ZNF578: variants seen among roughly 807,000 people sequenced by gnomAD.
ZNF578 encodes the protein zinc finger protein 578, also known as Putative chemokine-related protein B42.
In ZNF578, 8 loss-of-function variants were observed where a neutral mutation model predicts 8.3. That is an observed-to-expected ratio of 0.96 (90% CI 0.56 to 1.74). The LOEUF (loss-of-function observed/expected upper bound fraction) is 1.74, where lower values mean the gene tolerates loss of function less well. ZNF578 is among the 40% of genes most tolerant of loss of function. ZNF578 has a pLI of 0.00. For synonymous variants in ZNF578, 206 were observed against 232.2 expected, an observed-to-expected ratio of 0.89 and a Z score of 1.03; for missense variants, 726 against 707.5, an observed-to-expected ratio of 1.03 and a Z score of -0.30.
chr19:52,480,468 G>C (rs1462918333), intron 2 of ZNF578, among the ~76,000 whole-genome samples: 1 of 152,048 alleles, frequency 6.6e-6, no homozygotes, highest in African/African-American at 2.4e-5. Context: ...CCTTCTTCCA[G>C]CTGTAAAGGA....
chr19:52,483,708 A>T (rs1027192270), intron 2 of ZNF578, among the ~76,000 whole-genome samples: 2 of 152,252 alleles, frequency 1.3e-5, no homozygotes, highest in African/African-American at 4.8e-5. Flanking sequence ...TAACTAGGTA[A>T]CTAAGGGCAA....
rs1052861 is a variant in ZNF578, at chr19:52,516,808, T to C, written c.*4654T>C. Reference sequence around the variant, plus strand: ...ACAAGAACTAATGATAATCCCACCATACTTTGCTGACTCTCTTTTCACACT... The same window carrying C: ...ACAAGAACTAATGATAATCCCACCACACTTTGCTGACTCTCTTTTCACACT... On this transcript the variant is annotated 3_prime_UTR_variant, in exon 6 of 6. Coordinates refer to ENST00000421239, the MANE Select transcript of ZNF578 (RefSeq NM_001099694.2). Among the ~76,000 whole-genome samples the C allele has an allele frequency of 7.2e-5, 11 of 152,150 alleles. No individual in the cohort carries two copies. The highest frequency in any genetic ancestry group is 1.9e-4 in the East Asian group (1 of 5,180).
At chr19:52,483,477 C>T (rs142699676) in intron 2 of ZNF578, among the ~76,000 whole-genome samples, 4 of 152,314 alleles carry the variant, frequency 2.6e-5, no homozygotes, top group South Asian at 2.1e-4. Flanking sequence ...GTAGTCAACA[C>T]GCATGACCAA....
At chr19:52,482,334 C>T (rs2059329567) in intron 2 of ZNF578, among the ~76,000 whole-genome samples, 1 of 151,948 alleles carries the variant, frequency 6.6e-6, no homozygotes, top group African/African-American at 2.4e-5. Context: ...ACGCCCAGCC[C>T]ATAGTAGATT....
chr19:52,515,398 G>A lies in ZNF578; in HGVS notation c.*3244G>A, dbSNP rs1292714818. Among the ~76,000 whole-genome samples, 1 of 152,116 alleles carries A rather than the reference G, an allele frequency of 6.6e-6. No homozygotes were observed. The highest frequency in any genetic ancestry group is 6.6e-5 in the Admixed American group (1 of 15,260). Reference sequence around the variant, plus strand: ...AAATGTTCCTGTGAGTTTTTTGTAAGGAAGAATTAACTGTCAGGAATCAAT... The same window carrying A: ...AAATGTTCCTGTGAGTTTTTTGTAAAGAAGAATTAACTGTCAGGAATCAAT... On this transcript the variant is annotated 3_prime_UTR_variant, in exon 6 of 6. Transcript: ENST00000421239.
At chr19:52,484,205 T>C (rs143683750) in intron 2 of ZNF578, among the ~76,000 whole-genome samples, 1,689 of 152,350 alleles carry the variant, frequency 0.011, 31 homozygotes, top group African/African-American at 0.039. Context: ...TAAAGAGCAG[T>C]ATTGCTGCCA....
intron 5 of ZNF578, among the ~76,000 whole-genome samples, chr19:52,505,788 A>G (rs1193881874): frequency 1.3e-5 from 2 of 152,104 alleles, no homozygotes; most frequent in Non-Finnish European, 2.9e-5. Context: ...TGTAAGAGAT[A>G]TGGTTTTCAT....
chr19:52,461,126 C>A (rs8110473), intron 2 of ZNF578, among the ~76,000 whole-genome samples: 134,997 of 152,218 alleles, frequency 0.89, 60,626 homozygotes, highest in Non-Finnish European at 0.96. Flanking sequence ...GAGTGAAATG[C>A]GCCTGAGATG....
At chr19:52,496,630 CA>C (rs1452326129) in intron 3 of ZNF578, among the ~76,000 whole-genome samples, 1 of 141,182 alleles carries the variant, frequency 7.1e-6, no homozygotes, top group Non-Finnish European at 1.5e-5. Flanking sequence ...CGCTCAGCCT[CA>C]TTAGTTGTTA....
chr19:52,485,888 A>G lies in ZNF578; in HGVS notation c.-121-5436A>G, dbSNP rs149981576. 2.6e-5 allele frequency among the ~76,000 whole-genome samples: 4 copies of G among 152,254 alleles called. No homozygotes were observed. In the South Asian group the frequency reaches 8.3e-4, roughly 32 times the overall value. On this transcript the variant is annotated intron_variant, in intron 2 of 5. Coordinates refer to ENST00000421239, the MANE Select transcript of ZNF578 (RefSeq NM_001099694.2). ...CAGGTATTGTCCAAGGTTTCTCCCC[A>G]TGTGACAGTCTGAAATATGGCCTCG...
rs573030775 is a variant in ZNF578, at chr19:52,464,551, T to C, written c.-122+7593T>C. 3.3e-5 allele frequency among the ~76,000 whole-genome samples: 5 copies of C among 152,332 alleles called. No individual in the cohort carries two copies. In the East Asian group the frequency reaches 7.7e-4, roughly 23 times the overall value. On this transcript the variant is annotated intron_variant, in intron 2 of 5. Transcript: ENST00000421239. ...ATCCTGTACTTGCATCCCCAAATAC[T>C]GAAAAGGAGTCATTGTTTGAATTTT...
intron 2 of ZNF578, among the ~76,000 whole-genome samples, chr19:52,487,242 T>C (rs1008112002): frequency 1.3e-5 from 2 of 152,000 alleles, no homozygotes; most frequent in African/African-American, 4.8e-5. Context: ...GCTGGGAGGA[T>C]GACTTGAGCC....
At chr19:52,462,240 G>A (rs983041507) in intron 2 of ZNF578, among the ~76,000 whole-genome samples, 2 of 152,178 alleles carry the variant, frequency 1.3e-5, no homozygotes, top group African/African-American at 4.8e-5. Context: ...GTAAATGATA[G>A]GATACTGGTC....
chr19:52,496,102 C>G (rs1441086869), intron 3 of ZNF578, among the ~76,000 whole-genome samples: 2 of 151,840 alleles, frequency 1.3e-5, no homozygotes, highest in Non-Finnish European at 2.9e-5. Context: ...TCACTGTAAC[C>G]TCTGCCTCCC....
intron 2 of ZNF578, among the ~76,000 whole-genome samples, chr19:52,459,629 AC>A (rs1033642046): frequency 9.0e-4 from 123 of 136,542 alleles, no homozygotes; most frequent in Middle Eastern, 7.2e-3. Flanking sequence ...ACACACACAC[AC>A]ACACACACAC....
In ZNF578 at chr19:52,513,968, C is replaced by T. The variant is rs948532253; in HGVS notation, c.*1814C>T. ...TAAACCTGGGAGGTAGAGGTTACAGCGAATCAAAACCGTGCCACTGTACTG... is the reference window on the plus strand; with the variant it reads ...TAAACCTGGGAGGTAGAGGTTACAGTGAATCAAAACCGTGCCACTGTACTG... On this transcript the variant is annotated 3_prime_UTR_variant, in exon 6 of 6. Coordinates refer to ENST00000421239, the MANE Select transcript of ZNF578 (RefSeq NM_001099694.2). Among the ~76,000 whole-genome samples the T allele has an allele frequency of 1.3e-5, 2 of 151,836 alleles. No homozygotes were observed. The highest frequency in any genetic ancestry group is 4.8e-5 in the African/African-American group (2 of 41,340).
At chr19:52,482,577 G>A (rs2059330527) in intron 2 of ZNF578, among the ~76,000 whole-genome samples, 1 of 151,960 alleles carries the variant, frequency 6.6e-6, no homozygotes, top group South Asian at 2.1e-4. Flanking sequence ...GGCACAGGTT[G>A]CAGTGAGCCA....
intron 4 of ZNF578, among the ~76,000 whole-genome samples, chr19:52,503,288 C>T (rs1439389556): frequency 2.0e-5 from 3 of 152,168 alleles, no homozygotes; most frequent in Admixed American, 6.5e-5. Context: ...TCCAGTGATC[C>T]TCCCCTCTTG....
intron 3 of ZNF578, among the ~76,000 whole-genome samples, chr19:52,495,531 A>C (rs1274537744): frequency 6.6e-6 from 1 of 151,480 alleles, no homozygotes; most frequent in Non-Finnish European, 1.5e-5. Flanking sequence ...CAGAAAAGAA[A>C]CAGATGGAGA....
Sources: gnomAD v4.1 joint callset for allele counts (sites outside exome capture counted in the v4.1 genomes callset) on GRCh38, gnomAD v4.1.1 for gene constraint, MANE v1.5 for transcripts, NCBI Gene and HGNC (gene_info 2026-07-23, HGNC 2026-07-21) for gene names.